ZNF717: variants seen among roughly 807,000 people sequenced by gnomAD.
The protein encoded by ZNF717 is krueppel-like factor X17.
Under a neutral mutation model 13.8 loss-of-function variants are expected in ZNF717, and 9 were observed. That is an observed-to-expected ratio of 0.65 (90% CI 0.39 to 1.14). The LOEUF (loss-of-function observed/expected upper bound fraction) is 1.14. ZNF717 is among the 50% of genes most tolerant of loss of function. ZNF717 has a pLI of 0.01. For missense variants in ZNF717, 1,040 were observed against 1,080.7 expected (o/e 0.96, Z 0.53); for synonymous variants, 327 against 364.1 (o/e 0.90, Z 1.16).
At chr3:75,774,020 A>G (rs1944102237) in intron 2 of ZNF717, among the ~76,000 whole-genome samples, 1 of 152,210 alleles carries the variant, frequency 6.6e-6, no homozygotes, top group Non-Finnish European at 1.5e-5. Context: ...ATTGCACTCC[A>G]GCCTGGGCAA....
At chr3:75,707,695 C>T (rs1937834676), downstream of ZNF717, among the ~76,000 whole-genome samples, 3 of 152,116 alleles carry the variant, frequency 2.0e-5, no homozygotes. Context: ...AGTTCCCTTT[C>T]CTAGTCAAAG....
chr3:75,730,600 T>C, exon 6 of ZNF717: 1 of 701,712 alleles, frequency 1.4e-6, no homozygotes, highest in Non-Finnish European at 2.6e-6. Flanking sequence ...AGTTCCAGAG[T>C]TCACAAGAGA....
intron 2 of ZNF717, among the ~76,000 whole-genome samples, chr3:75,765,484 C>T (rs866555092): frequency 5.3e-5 from 8 of 152,216 alleles, no homozygotes; most frequent in Admixed American, 2.0e-4. Flanking sequence ...GATCACAGCT[C>T]ACTGCAGCCT....
intron 5 of ZNF717, among the ~76,000 whole-genome samples, chr3:75,712,893 A>G (rs1937969789): frequency 1.3e-5 from 2 of 152,046 alleles, no homozygotes; most frequent in South Asian, 4.1e-4. Flanking sequence ...CATTTCTTAT[A>G]CATTTTTTCT....
chr3:75,726,137 T>A (rs2918490), downstream of ZNF717, among the ~76,000 whole-genome samples: 127,582 of 150,624 alleles, frequency 0.85, 52,988 homozygotes, highest in East Asian at 0.89. Flanking sequence ...GATTTTAAAA[T>A]AAGTTTTGAC....
At position 75,737,840 on chromosome 3, in the gene ZNF717, C is replaced by T. The variant is rs76496075; in HGVS notation, c.1783G>A (p.Glu595Lys). The change falls in exon 5 of 5, where the codon GAA becomes AAA. Residue 595 changes from glutamate (E) to lysine (K), a missense_variant. Physicochemically the swap from Glu to Lys is moderately conservative, Grantham distance 56. Around this residue, in one of 3 missense-constraint regions of ZNF717, gnomAD observed 873 missense variants for 832.8 expected, o/e 1.05. Coordinates refer to ENST00000652011, the MANE Select transcript of ZNF717 (RefSeq NM_001290208.3). ...HAGKKPYECN[E>K]CEKTFINKLN... is the part of the protein sequence containing the mutation. ...TTATTGATAAAGGTTTTCTCACATT[C>T]ATTACATTCATAGGGTTTTTTGCCA... 4 of 1,551,524 alleles carry T rather than the reference C, an allele frequency of 2.6e-6. No individual in the cohort carries two copies. Among genetic ancestry groups the T allele is most frequent in the Non-Finnish European group, 3.5e-6 (4 of 1,147,128 alleles).
At chr3:75,781,609 C>A (rs976686543) in intron 2 of ZNF717, among the ~76,000 whole-genome samples, 2 of 152,148 alleles carry the variant, frequency 1.3e-5, no homozygotes, top group African/African-American at 4.8e-5. Context: ...CTGAGAAAAC[C>A]GGACAAACTC....
At chr3:75,783,395 G>C in intron 1 of ZNF717, 31 bp from the exon 2 acceptor site, 4 of 1,528,758 alleles carry the variant, frequency 2.6e-6, no homozygotes, top group Non-Finnish European at 2.7e-6. Flanking sequence ...CGTGAATTAA[G>C]GAGAGAACTG....
chr3:75,772,611 C>T (rs1943987284), intron 2 of ZNF717, among the ~76,000 whole-genome samples: 1 of 152,258 alleles, frequency 6.6e-6, no homozygotes, highest in African/African-American at 2.4e-5. Flanking sequence ...GTGCCTGGAG[C>T]TGCCCACCCC....
intron 1 of ZNF717, among the ~76,000 whole-genome samples, chr3:75,784,106 GC>G (rs1221004675): frequency 6.6e-6 from 1 of 152,166 alleles, no homozygotes; most frequent in Non-Finnish European, 1.5e-5. Context: ...GAGACACAGG[GC>G]CTAGCCAAGA....
downstream of ZNF717, among the ~76,000 whole-genome samples, chr3:75,708,641 A>C (rs6806273): frequency 0.024 from 3,636 of 152,330 alleles, 150 homozygotes; most frequent in African/African-American, 0.082. Flanking sequence ...AGTTGAGAGA[A>C]GAAGGATCCA....
At chr3:75,717,693 G>A (rs75123322) in intron 4 of ZNF717, among the ~76,000 whole-genome samples, 8 of 152,196 alleles carry the variant, frequency 5.3e-5, no homozygotes, top group African/African-American at 1.9e-4. Context: ...CCACAAAAAG[G>A]CTACAGAGTC....
intron 2 of ZNF717, among the ~76,000 whole-genome samples, chr3:75,761,572 A>C (rs1356694287): frequency 1.3e-5 from 2 of 152,280 alleles, no homozygotes; most frequent in African/African-American, 2.4e-5. Flanking sequence ...CAAATTGGAA[A>C]GGGAGAAGTA....
Position 75,737,614 on chromosome 3 carries a change from G to A in ZNF717, c.2009C>T (p.Thr670Met), listed in dbSNP as rs746476310. ...SFLTIHQRTHTGKNRMDVMNV... is the reference protein window; with the variant it reads ...SFLTIHQRTHMGKNRMDVMNV... Reference sequence around the variant, plus strand: ...CATTACATCCATACGGTTTTTCCCCGTGTGAGTTCTCTGGTGTATGGTGAG... The same window carrying A: ...CATTACATCCATACGGTTTTTCCCCATGTGAGTTCTCTGGTGTATGGTGAG... Residue 670 changes from threonine (T) to methionine (M), a missense_variant, in exon 5 of 5, where the codon ACG becomes ATG. Thr to Met is a moderately conservative substitution (Grantham distance 81). Transcript: ENST00000652011. 9.0e-5 allele frequency: 139 copies of A among 1,543,166 alleles called. 1 individual carries two copies. In the Admixed American group the frequency reaches 1.0e-3, roughly 11 times the overall value.
chr3:75,752,681 G>C (rs1334419714), intron 2 of ZNF717, among the ~76,000 whole-genome samples: 3 of 151,526 alleles, frequency 2.0e-5, no homozygotes, highest in African/African-American at 7.3e-5. Flanking sequence ...ACAAGGGTCT[G>C]AATGTTTGTC....
chr3:75,744,767 A>G (rs1940953147), intron 2 of ZNF717, among the ~76,000 whole-genome samples: 1 of 152,226 alleles, frequency 6.6e-6, no homozygotes, highest in South Asian at 2.1e-4. Context: ...AAAAAGGAAA[A>G]CCATTTTGAA....
At chr3:75,733,154 A>C (rs1938733802), downstream of ZNF717, among the ~76,000 whole-genome samples, 1 of 152,230 alleles carries the variant, frequency 6.6e-6, no homozygotes, top group East Asian at 1.9e-4. Context: ...GAGTTCTGGA[A>C]ACTTTGAAAG....
In ZNF717 at chr3:75,737,686, G is replaced by C. The variant is rs752455744; in HGVS notation, c.1937C>G (p.Pro646Arg). The C allele has an allele frequency of 3.2e-6, 5 of 1,545,580 alleles. No individual in the cohort carries two copies. Among genetic ancestry groups the C allele is most frequent in the Non-Finnish European group, 3.5e-6 (4 of 1,142,926 alleles). Residue 646 changes from proline (P) to arginine (R), a missense_variant, in exon 5 of 5, where the codon CCT becomes CGT. Pro to Arg is a moderately radical substitution (Grantham distance 103, BLOSUM62 -2). Around this residue, in one of 3 missense-constraint regions of ZNF717, gnomAD observed 873 missense variants for 832.8 expected, o/e 1.05. Transcript: ENST00000652011. ...TTTTCCACATTCATTACATACGTAA[G>C]GTTTCTCTCCTGTGTGAGTTCCCTG... ...THQGTHTGEK[P>R]YVCNECGKTF...
chr3:75,724,615 T>C (rs1223129447), intron 4 of ZNF717, among the ~76,000 whole-genome samples: 1 of 152,232 alleles, frequency 6.6e-6, no homozygotes, highest in Non-Finnish European at 1.5e-5. Flanking sequence ...CTAGATTTAA[T>C]GAAAATTATA....
Sources: gnomAD v4.1 joint callset for allele counts (sites outside exome capture counted in the v4.1 genomes callset) on GRCh38, gnomAD v4.1.1 for gene constraint, gnomAD v4.1.1 regional missense constraint, MANE v1.5 for transcripts, NCBI Gene and HGNC (gene_info 2026-07-23, HGNC 2026-07-21) for gene names.